The following KCNIP1 variants were observed in gnomAD, a reference collection of about 807,000 sequenced individuals.
KCNIP1 encodes the protein A-type potassium channel modulatory protein KCNIP1.
KCNIP1 carries 18 observed loss-of-function variants against 33.0 expected under a neutral mutation model. The observed-to-expected ratio is 0.55, with a 90% CI of 0.38 to 0.81. The LOEUF is 0.81. KCNIP1 is among the 30% of genes least tolerant of loss of function. The pLI, the probability that KCNIP1 is intolerant of heterozygous loss-of-function variation, is 0.00. For synonymous variants in KCNIP1, 93 were observed against 98.3 expected (o/e 0.95, Z 0.32); for missense variants, 238 against 271.6 (o/e 0.88, Z 0.87).
intron 1 of KCNIP1, among the ~76,000 whole-genome samples, chr5:170,541,218 C>T (rs1191820962): frequency 6.6e-6 from 1 of 152,168 alleles, no homozygotes; most frequent in Non-Finnish European, 1.5e-5. Context: ...CATACAGCTG[C>T]CTCTGATTCT....
intron 1 of KCNIP1, among the ~76,000 whole-genome samples, chr5:170,512,646 G>A (rs370190632): frequency 2.6e-5 from 4 of 152,200 alleles, no homozygotes; most frequent in African/African-American, 4.8e-5. Context: ...AAGATGCAGC[G>A]GTCAGCACTC....
At chr5:170,531,650 T>C (rs1755794093) in intron 1 of KCNIP1, among the ~76,000 whole-genome samples, 1 of 152,200 alleles carries the variant, frequency 6.6e-6, no homozygotes, top group Admixed American at 6.5e-5. Context: ...GATAATTCGC[T>C]TTGTTGAAGA....
intron 1 of KCNIP1, among the ~76,000 whole-genome samples, chr5:170,687,185 A>T (rs889612543): frequency 2.7e-5 from 4 of 145,958 alleles, no homozygotes; most frequent in South Asian, 2.2e-4. Flanking sequence ...ACCTGAGTAA[A>T]TTTTTTTTTT....
intron 1 of KCNIP1, among the ~76,000 whole-genome samples, chr5:170,613,246 C>T (rs1011209843): frequency 6.6e-5 from 10 of 152,216 alleles, no homozygotes; most frequent in Non-Finnish European, 1.5e-4. Context: ...CTGCCACTAC[C>T]TGTGTGTGTC....
intron 1 of KCNIP1, among the ~76,000 whole-genome samples, chr5:170,538,228 G>GTTCTCAAGTA (rs2113370035): frequency 6.6e-6 from 1 of 152,282 alleles, no homozygotes; most frequent in Non-Finnish European, 1.5e-5. Flanking sequence ...TCCAAGGCAT[G>GTTCTCAAGTA]TTCTCAAGTA....
chr5:170,689,055 T>C (rs1239485557), intron 1 of KCNIP1, among the ~76,000 whole-genome samples: 2 of 152,118 alleles, frequency 1.3e-5, no homozygotes, highest in African/African-American at 4.8e-5. Context: ...AGATAATACA[T>C]GATATGAGTC....
chr5:170,451,819 G>GCATGTCT (rs1756262061), intron 1 of KCNIP1, among the ~76,000 whole-genome samples: 1 of 151,478 alleles, frequency 6.6e-6, no homozygotes, highest in South Asian at 2.1e-4. Context: ...CCGTGACTGG[G>GCATGTCT]CATGTCTCAT....
chr5:170,448,026 A>G (rs1432490343), intron 1 of KCNIP1, among the ~76,000 whole-genome samples: 1 of 151,804 alleles, frequency 6.6e-6, no homozygotes, highest in Non-Finnish European at 1.5e-5. Flanking sequence ...GGGCTCCCAC[A>G]CCACCCTGCA....
chr5:170,709,536 A>T (rs1763374475), intron 1 of KCNIP1, among the ~76,000 whole-genome samples: 1 of 152,166 alleles, frequency 6.6e-6, no homozygotes, highest in Non-Finnish European at 1.5e-5. Context: ...CCTTATGCTT[A>T]CAAGCAGCAT....
chr5:170,515,094 G>A (rs1755073959), intron 1 of KCNIP1, among the ~76,000 whole-genome samples: 1 of 152,168 alleles, frequency 6.6e-6, no homozygotes. Context: ...CCGATGCCTG[G>A]TGGAAGAACA....
At chr5:170,436,154 G>A (rs1486081638) in intron 1 of KCNIP1, among the ~76,000 whole-genome samples, 3 of 152,160 alleles carry the variant, frequency 2.0e-5, no homozygotes. Context: ...GAGGCCCACA[G>A]AATCAAAGAG....
chr5:170,415,465 G>A (rs756314860), intron 1 of KCNIP1, among the ~76,000 whole-genome samples: 5 of 152,080 alleles, frequency 3.3e-5, no homozygotes, highest in Admixed American at 6.6e-5. Flanking sequence ...ACCCCCAGCC[G>A]TGACAACTAA....
intron 1 of KCNIP1, among the ~76,000 whole-genome samples, chr5:170,355,198 C>G (rs1285698975): frequency 1.3e-5 from 2 of 152,182 alleles, no homozygotes; most frequent in Non-Finnish European, 1.5e-5. Context: ...TTCCAAGATA[C>G]CCAGGTGGGC....
intron 1 of KCNIP1, among the ~76,000 whole-genome samples, chr5:170,574,592 G>A (rs1428537363): frequency 6.6e-6 from 1 of 152,184 alleles, no homozygotes; most frequent in Non-Finnish European, 1.5e-5. Context: ...GCATTTGTAC[G>A]ATTATCTTCT....
intron 1 of KCNIP1, among the ~76,000 whole-genome samples, chr5:170,439,996 G>A (rs1387517093): frequency 1.3e-5 from 2 of 152,230 alleles, no homozygotes; most frequent in Non-Finnish European, 2.9e-5. Flanking sequence ...ACCTTGCAAT[G>A]GGACTGTTCT....
intron 1 of KCNIP1, among the ~76,000 whole-genome samples, chr5:170,589,723 A>ATGTGGTGTGG (rs70979189): frequency 0.03 from 4,024 of 132,452 alleles, 94 homozygotes; most frequent in East Asian, 0.056. Flanking sequence ...GTGTGGTGTG[A>ATGTGGTGTGG]TGTGGTGTGG....
intron 1 of KCNIP1, among the ~76,000 whole-genome samples, chr5:170,439,610 C>T (rs978076507): frequency 7.2e-5 from 11 of 152,220 alleles, no homozygotes; most frequent in African/African-American, 2.7e-4. Context: ...GGCTCATCTA[C>T]GCAAGCCTTG....
At chr5:170,648,784 A>T (rs1313009794) in intron 1 of KCNIP1, among the ~76,000 whole-genome samples, 1 of 152,184 alleles carries the variant, frequency 6.6e-6, no homozygotes, top group East Asian at 1.9e-4. Context: ...GTCATTGTAG[A>T]TTCCTCAGTT....
intron 1 of KCNIP1, among the ~76,000 whole-genome samples, chr5:170,421,374 C>G (rs1380403207): frequency 2.0e-5 from 3 of 152,224 alleles, no homozygotes; most frequent in Non-Finnish European, 4.4e-5. Flanking sequence ...CATGTGGTCT[C>G]TCTTTTAATT....
Sources: allele counts gnomAD v4.1 joint callset (sites outside exome capture counted in the v4.1 genomes callset), GRCh38; gene constraint gnomAD v4.1.1; transcripts MANE v1.5; gene names NCBI Gene and HGNC (gene_info 2026-07-23, HGNC 2026-07-21).